Variants in AGBL1 observed in about 807,000 individuals in gnomAD.
The protein encoded by AGBL1 is cytosolic carboxypeptidase 4.
Under a neutral mutation model 118.9 loss-of-function variants are expected in AGBL1, and 130 were observed. The observed-to-expected ratio is 1.09, with a 90% CI of 0.95 to 1.26. The LOEUF is 1.26. Ranked by LOEUF, AGBL1 falls within the 50% of genes most tolerant of loss-of-function variation. The probability of loss-of-function intolerance (pLI) is 0.00; values close to 1 mark genes in which losing one functional copy is unlikely to be tolerated. For missense variants in AGBL1, 1,584 were observed against 1,298.1 expected (o/e 1.22, Z -3.38); for synonymous variants, 555 against 478.9 (o/e 1.16, Z -2.08).
At chr15:86,248,761 A>G (rs978220576) in intron 7 of AGBL1, among the ~76,000 whole-genome samples, 3 of 152,242 alleles carry the variant, frequency 2.0e-5, no homozygotes, top group African/African-American at 7.2e-5. Context: ...CTAAGTAAGC[A>G]AAGAATCCAA....
chr15:86,219,929 A>G (rs11852723), intron 5 of AGBL1, among the ~76,000 whole-genome samples: 79,897 of 145,768 alleles, frequency 0.55, 22,126 homozygotes, highest in South Asian at 0.74. Context: ...AGGTAGACTT[A>G]TAGCTAATGC....
Position 86,957,109 on chromosome 15 carries a change from T to C in AGBL1, c.3222-30878T>C, listed in dbSNP as rs1030382291. ...AGTAATTAGGAACTAAGCAGTATGA[T>C]TGTCTCCATTCTGTGCGTGTGGGAT... On this transcript the variant is annotated intron_variant, in intron 23 of 24. Coordinates refer to the AGBL1 transcript ENST00000441037. Among the ~76,000 whole-genome samples the C allele has an allele frequency of 3.9e-5, 6 of 152,128 alleles. No homozygotes were observed. In the East Asian group the frequency reaches 5.8e-4, roughly 15 times the overall value.
intron 22 of AGBL1, among the ~76,000 whole-genome samples, chr15:86,736,392 A>T (rs2077599680): frequency 6.6e-6 from 1 of 151,592 alleles, no homozygotes; most frequent in Non-Finnish European, 1.5e-5. Context: ...AAAAAAAAAA[A>T]TTATTTAGCA....
intron 5 of AGBL1, among the ~76,000 whole-genome samples, chr15:86,199,480 C>G (rs557751956): frequency 1.3e-5 from 2 of 152,312 alleles, no homozygotes; most frequent in Admixed American, 1.3e-4. Flanking sequence ...TCTCAAAAGC[C>G]ATGATAATAT....
chr15:86,629,651 A>G (rs1196359339), intron 21 of AGBL1, among the ~76,000 whole-genome samples: 3 of 152,190 alleles, frequency 2.0e-5, no homozygotes, highest in Non-Finnish European at 4.4e-5. Context: ...TTAATTTTTT[A>G]TGTTTGCATT....
chr15:86,862,853 G>A (rs1298926261), intron 22 of AGBL1, among the ~76,000 whole-genome samples: 1 of 152,234 alleles, frequency 6.6e-6, no homozygotes, highest in Non-Finnish European at 1.5e-5. Context: ...ATTATCAGAA[G>A]AGGAAAGCAA....
intron 22 of AGBL1, among the ~76,000 whole-genome samples, chr15:86,680,565 C>CTTTTTTTTTTTTTT (rs34873609): frequency 2.0e-3 from 194 of 94,694 alleles, no homozygotes; most frequent in African/African-American, 2.3e-3. Flanking sequence ...TCTTTCTTTT[C>CTTTTTTTTTTTTTT]TTTTTTTTTT....
At chr15:86,765,257 G>A (rs2078079544) in intron 22 of AGBL1, among the ~76,000 whole-genome samples, 1 of 151,842 alleles carries the variant, frequency 6.6e-6, no homozygotes, top group Non-Finnish European at 1.5e-5. Context: ...CAAAAAATAT[G>A]CTTTTTCCAA....
intron 5 of AGBL1, chr15:86,173,389 G>A (rs1567103909): frequency 6.6e-6 from 1 of 152,062 alleles, no homozygotes; most frequent in South Asian, 2.1e-4. Context: ...TCATTCAGCA[G>A]GTTGTCTCTT....
chr15:86,986,844 G>T (rs1455535552), intron 23 of AGBL1, among the ~76,000 whole-genome samples: 1 of 152,156 alleles, frequency 6.6e-6, no homozygotes, highest in Non-Finnish European at 1.5e-5. Flanking sequence ...CAGGCTTTGT[G>T]TGAGCAAGGC....
chr15:86,370,350 G>A (rs1040437328), intron 17 of AGBL1, among the ~76,000 whole-genome samples: 4 of 149,116 alleles, frequency 2.7e-5, no homozygotes, highest in Non-Finnish European at 5.9e-5. Flanking sequence ...TGTCACCCAG[G>A]CTGGAGTGCA....
At chr15:87,006,246 G>A (rs554527955) in intron 24 of AGBL1, among the ~76,000 whole-genome samples, 1 of 152,220 alleles carries the variant, frequency 6.6e-6, no homozygotes, top group Admixed American at 6.5e-5. Flanking sequence ...TAAATCTGCA[G>A]AGGTTTCTGC....
intron 22 of AGBL1, among the ~76,000 whole-genome samples, chr15:86,690,586 T>C (rs1165115071): frequency 2.0e-5 from 3 of 152,140 alleles, no homozygotes; most frequent in Non-Finnish European, 4.4e-5. Context: ...GAACTGGGAT[T>C]TGTTTGAAAA....
intron 18 of AGBL1, among the ~76,000 whole-genome samples, chr15:86,431,400 G>A (rs2142039287): frequency 6.6e-6 from 1 of 152,340 alleles, no homozygotes; most frequent in East Asian, 1.9e-4. Flanking sequence ...ACAGTGCTAA[G>A]CACAGGGCAC....
chr15:86,967,265 A>G (rs1175540551), intron 23 of AGBL1, among the ~76,000 whole-genome samples: 2 of 152,070 alleles, frequency 1.3e-5, no homozygotes, highest in East Asian at 3.9e-4. Context: ...ATTTCCTCCC[A>G]TTCTGTAGGT....
At chr15:86,824,550 C>T (rs974090575) in intron 22 of AGBL1, among the ~76,000 whole-genome samples, 6 of 21,150 alleles carry the variant, frequency 2.8e-4, no homozygotes, top group African/African-American at 7.4e-4. Flanking sequence ...CTATCAAAAT[C>T]CCAGGAAGTT....
At position 86,298,667 on chromosome 15, in the gene AGBL1, C is replaced by T. The variant is rs545791652; in HGVS notation, c.2374+3259C>T. Among the ~76,000 whole-genome samples the T allele has an allele frequency of 3.9e-5, 6 of 152,184 alleles. No individual in the cohort carries two copies. The South Asian group carries it at 1.0e-3, about 26-fold the overall frequency. On this transcript the variant is annotated intron_variant, in intron 17 of 22. Transcript: ENST00000614907. ...TGCCTCTCAGGGACTAGGGTAGCTT[C>T]AGTGTGGGATTGCATTTAGCTGCAA...
At chr15:86,662,413 G>A (rs1210457739) in intron 21 of AGBL1, among the ~76,000 whole-genome samples, 2 of 152,210 alleles carry the variant, frequency 1.3e-5, no homozygotes, top group African/African-American at 4.8e-5. Context: ...TGAACTTGAA[G>A]AGCTTATGTA....
chr15:86,190,709 CT>C (rs2077705995), intron 5 of AGBL1, among the ~76,000 whole-genome samples: 1 of 152,056 alleles, frequency 6.6e-6, no homozygotes, highest in African/African-American at 2.4e-5. Context: ...TGAGGGGAAG[CT>C]AATAAGGTAT....
Sources: gnomAD v4.1 joint callset for allele counts (sites outside exome capture counted in the v4.1 genomes callset) on GRCh38, gnomAD v4.1.1 for gene constraint, MANE v1.5 for transcripts, NCBI Gene and HGNC (gene_info 2026-07-23, HGNC 2026-07-21) for gene names.